Variants in DCUN1D1 observed in about 807,000 individuals in gnomAD.
DCUN1D1 encodes defective in cullin neddylation 1 domain containing 1, also known as DCN1-like protein 1.
A neutral mutation model predicts 39.0 loss-of-function variants in DCUN1D1; 3 were observed. That is an observed-to-expected ratio of 0.08 (90% confidence interval 0.04 to 0.20). The LOEUF (loss-of-function observed/expected upper bound fraction) is 0.20, where lower values mean the gene tolerates loss of function less well. Among genes scored for constraint, DCUN1D1 ranks in the 10% least tolerant of loss-of-function variants. The probability of loss-of-function intolerance (pLI) is 1.00; values close to 1 mark genes in which losing one functional copy is unlikely to be tolerated. For missense variants in DCUN1D1, 158 were observed against 302.4 expected (o/e 0.52, Z 3.54); for synonymous variants, 82 against 96.3 (o/e 0.85, Z 0.87).
At chr3:182,970,005 G>C (rs1052139011) in intron 1 of DCUN1D1, among the ~76,000 whole-genome samples, 6 of 152,150 alleles carry the variant, frequency 3.9e-5, no homozygotes, top group African/African-American at 1.4e-4. Flanking sequence ...CTGTAATCCA[G>C]CACTTTGGGA....
chr3:182,978,520 C>A (rs1728358515), intron 1 of DCUN1D1, among the ~76,000 whole-genome samples: 1 of 152,154 alleles, frequency 6.6e-6, no homozygotes, highest in Non-Finnish European at 1.5e-5. Flanking sequence ...CAACCACAGG[C>A]TAGCACCAGC....
chr3:182,966,891 G>C (rs1239332408), intron 1 of DCUN1D1, among the ~76,000 whole-genome samples: 9 of 152,180 alleles, frequency 5.9e-5, no homozygotes, highest in Non-Finnish European at 1.0e-4. Context: ...AGGATCACCT[G>C]AAGTCAGGAG....
intron 4 of DCUN1D1, among the ~76,000 whole-genome samples, chr3:182,949,024 G>A (rs1726565137): frequency 1.3e-5 from 2 of 150,828 alleles, no homozygotes; most frequent in Non-Finnish European, 2.9e-5. Context: ...CTCCAGTCTG[G>A]GCAAGAAAAG....
upstream of DCUN1D1, among the ~76,000 whole-genome samples, chr3:182,981,607 T>C (rs1728554016): frequency 6.6e-6 from 1 of 152,206 alleles, no homozygotes; most frequent in Non-Finnish European, 1.5e-5. Flanking sequence ...CATCTGAAAC[T>C]GTACCAAGAG....
intron 2 of DCUN1D1, among the ~76,000 whole-genome samples, chr3:182,964,798 G>A (rs893408402): frequency 1.3e-5 from 2 of 151,786 alleles, no homozygotes; most frequent in African/African-American, 4.8e-5. Context: ...ACGCCACCAC[G>A]CCCAGCTAAT....
chr3:182,973,871 T>G lies in DCUN1D1; in HGVS notation c.3+6616A>C, dbSNP rs570564240. Among the ~76,000 whole-genome samples the G allele has an allele frequency of 3.9e-5, 6 of 152,170 alleles. No homozygotes were observed. In the East Asian group the frequency reaches 9.6e-4, roughly 24 times the overall value. On this transcript the variant is annotated intron_variant, in intron 1 of 6. Coordinates refer to ENST00000292782, the MANE Select transcript of DCUN1D1 (RefSeq NM_020640.4). ...CAAATAGATTTTGTAGACTTTTGTA[T>G]ACTTTTCTTAACAGGTTTTTAAAAA...
At chr3:182,948,930 C>G (rs935507215) in intron 4 of DCUN1D1, among the ~76,000 whole-genome samples, 1 of 151,424 alleles carries the variant, frequency 6.6e-6, no homozygotes, top group African/African-American at 2.4e-5. Flanking sequence ...CACCTGTAAT[C>G]CCAGCTACTC....
chr3:182,960,216 CCAT>C (rs1418877267), intron 4 of DCUN1D1, among the ~76,000 whole-genome samples: 1 of 152,132 alleles, frequency 6.6e-6, no homozygotes. Context: ...GAAGTTATCA[CCAT>C]CATCAAAATC....
intron 4 of DCUN1D1, chr3:182,956,297 T>C (rs77009463): frequency 0.017 from 4,519 of 272,532 alleles, 212 homozygotes; most frequent in African/African-American, 0.095. Flanking sequence ...GTTGCCTTTC[T>C]GGGAGCTCAT....
upstream of DCUN1D1, among the ~76,000 whole-genome samples, chr3:182,984,548 A>T (rs961103410): frequency 1.3e-5 from 2 of 152,100 alleles, no homozygotes; most frequent in Non-Finnish European, 2.9e-5. Flanking sequence ...TAAGATGGAA[A>T]CATCTAGCCA....
intron 4 of DCUN1D1, among the ~76,000 whole-genome samples, chr3:182,950,508 T>C (rs1006682492): frequency 1.3e-5 from 2 of 151,868 alleles, no homozygotes; most frequent in South Asian, 4.2e-4. Flanking sequence ...TCAAAATAGG[T>C]TTGTTTTTAT....
intron 1 of DCUN1D1, among the ~76,000 whole-genome samples, chr3:182,969,238 G>A (rs1391278816): frequency 6.6e-6 from 1 of 152,174 alleles, no homozygotes; most frequent in Non-Finnish European, 1.5e-5. Context: ...AATAAAGCTG[G>A]AGTATACCTG....
intron 4 of DCUN1D1, among the ~76,000 whole-genome samples, chr3:182,950,425 C>G (rs192772866): frequency 3.9e-4 from 60 of 152,158 alleles, no homozygotes; most frequent in Non-Finnish European, 7.6e-4. Flanking sequence ...GGATTACAGG[C>G]ATGAGCCACC....
intron 5 of DCUN1D1, 49 bp from the exon 6 acceptor site, chr3:182,947,383 G>A: frequency 2.2e-6 from 3 of 1,334,172 alleles, no homozygotes; most frequent in Non-Finnish European, 3.1e-6. Context: ...AAAAAGAGCT[G>A]CACAAAAACA....
At chr3:182,959,501 CAAAAAAAAAAAAA>C (rs11373344) in intron 4 of DCUN1D1, among the ~76,000 whole-genome samples, 1 of 81,138 alleles carries the variant, frequency 1.2e-5, no homozygotes, top group African/African-American at 4.8e-5. Flanking sequence ...CTTCAAAAAC[CAAAAAAAAAAAAA>C]AAAAAAAAAA....
chr3:182,976,884 G>T (rs1728266830), intron 1 of DCUN1D1, among the ~76,000 whole-genome samples: 1 of 152,136 alleles, frequency 6.6e-6, no homozygotes, highest in Admixed American at 6.5e-5. Flanking sequence ...GACATGCAAA[G>T]AATGTGCAAC....
At chr3:182,972,081 G>A (rs1331616522) in intron 1 of DCUN1D1, among the ~76,000 whole-genome samples, 5 of 147,410 alleles carry the variant, frequency 3.4e-5, no homozygotes, top group Admixed American at 6.8e-5. Flanking sequence ...TTGGTTGGGG[G>A]TAAGAAGGAG....
At chr3:182,946,653 C>G (rs1465562353) in intron 6 of DCUN1D1, among the ~76,000 whole-genome samples, 1 of 145,752 alleles carries the variant, frequency 6.9e-6, no homozygotes, top group Non-Finnish European at 1.5e-5. Flanking sequence ...CAAATAAGTA[C>G]AAAAGTACAT....
At chr3:182,983,656 G>A (rs1285275298), upstream of DCUN1D1, among the ~76,000 whole-genome samples, 2 of 151,970 alleles carry the variant, frequency 1.3e-5, no homozygotes, top group African/African-American at 4.8e-5. Context: ...GCAGTGAGCT[G>A]AGATCGCGCC....
Sources: allele counts gnomAD v4.1 joint callset (sites outside exome capture counted in the v4.1 genomes callset), GRCh38; gene constraint gnomAD v4.1.1; transcripts MANE v1.5; gene names NCBI Gene and HGNC (gene_info 2026-07-23, HGNC 2026-07-21).